The following FOCAD variants were observed in gnomAD, a reference collection of about 807,000 sequenced individuals.
The protein encoded by FOCAD is focadhesin.
FOCAD carries 198 observed loss-of-function variants against 225.6 expected under a neutral mutation model. The ratio of observed to expected loss-of-function variants is 0.88; its 90% CI spans 0.78 to 0.99. FOCAD has a LOEUF of 0.99. Ranked by LOEUF, FOCAD falls within the 50% of genes least tolerant of loss-of-function variation. The probability of loss-of-function intolerance (pLI) is 0.00; values close to 1 mark genes in which losing one functional copy is unlikely to be tolerated. For synonymous variants in FOCAD, 897 were observed against 755.0 expected (o/e 1.19, Z -3.08); for missense variants, 2,713 against 2,123.6 (o/e 1.28, Z -5.46).
At chr9:20,669,223 G>A (rs146225059) in intron 2 of FOCAD, among the ~76,000 whole-genome samples, 17 of 152,136 alleles carry the variant, frequency 1.1e-4, no homozygotes, top group African/African-American at 3.4e-4. Context: ...GGGGAGGATC[G>A]GCACTGGAGA....
chr9:20,895,762 G>T (rs913405048), intron 21 of FOCAD, among the ~76,000 whole-genome samples: 14 of 151,742 alleles, frequency 9.2e-5, no homozygotes, highest in Non-Finnish European at 1.3e-4. Context: ...TGGGTTCCAG[G>T]AGTTTTTTGT....
Position 20,874,686 on chromosome 9 carries a change from A to C in FOCAD, c.2196A>C (p.Arg732Ser). The change falls in exon 19 of 44, where the codon AGA becomes AGC. Residue 732 changes from arginine (R) to serine (S), a missense_variant. Coordinates refer to ENST00000338382, the MANE Select transcript of FOCAD (RefSeq NM_001375567.1). ...HTILHLPEKI[R>S]PEIPIPEELD... ...CTTTTCGCTTATCATTTCAGATAAG[A>C]CCAGAAATTCCCATTCCTGAAGAGT... 1 of 1,613,326 alleles carries C rather than the reference A, an allele frequency of 6.2e-7. No individual in the cohort carries two copies. The highest frequency in any genetic ancestry group is 1.1e-5 in the South Asian group (1 of 91,020).
At chr9:20,888,279 C>CA (rs1413337309) in intron 21 of FOCAD, among the ~76,000 whole-genome samples, 2 of 151,656 alleles carry the variant, frequency 1.3e-5, no homozygotes, top group East Asian at 3.9e-4. Context: ...GCTGGGATTG[C>CA]AGGTGTGCAC....
intron 1 of FOCAD, among the ~76,000 whole-genome samples, chr9:20,693,652 G>C (rs1391236018): frequency 6.6e-6 from 1 of 152,062 alleles, no homozygotes; most frequent in Non-Finnish European, 1.5e-5. Flanking sequence ...AAAAGCTCTG[G>C]ACCATTATCT....
chr9:20,806,346 A>G (rs1010645898), intron 11 of FOCAD, among the ~76,000 whole-genome samples: 4 of 152,128 alleles, frequency 2.6e-5, no homozygotes, highest in Admixed American at 2.0e-4. Flanking sequence ...CCTCTTAGAC[A>G]TTTTAAAATT....
At chr9:20,994,114 A>G (rs1477079834) in intron 43 of FOCAD, among the ~76,000 whole-genome samples, 1 of 152,202 alleles carries the variant, frequency 6.6e-6, no homozygotes, top group Non-Finnish European at 1.5e-5. Context: ...CTGTTCTTAC[A>G]CTGGCTTTAT....
At position 20,767,804 on chromosome 9, in the gene FOCAD, T is replaced by G. The variant is rs904257070; in HGVS notation, c.700-2228T>G. Among the ~76,000 whole-genome samples the G allele has an allele frequency of 5.9e-3, 884 of 150,014 alleles. 7 individuals are homozygous for G. Among genetic ancestry groups the G allele is most frequent in the African/African-American group, 0.02 (835 of 41,064 alleles). On this transcript the variant is annotated intron_variant, in intron 7 of 43. Transcript: ENST00000338382. ...TGTTCACTCTGATGGTAGTTTCTTT[T>G]GCTGTGCAGAAGCTCTTTAGTTTAA...
At chr9:20,738,526 A>G (rs1204942063) in intron 4 of FOCAD, among the ~76,000 whole-genome samples, 4 of 151,978 alleles carry the variant, frequency 2.6e-5, no homozygotes, top group African/African-American at 9.7e-5. Context: ...TGTGTTCACC[A>G]GAGGATCCAC....
chr9:20,753,371 G>A (rs1029306540), intron 5 of FOCAD, among the ~76,000 whole-genome samples: 1 of 151,286 alleles, frequency 6.6e-6, no homozygotes, highest in Admixed American at 6.6e-5. Context: ...TAGCATGAAG[G>A]GTTGTTGAAT....
chr9:20,916,639 C>T (rs1284578665), intron 23 of FOCAD, among the ~76,000 whole-genome samples: 7 of 152,194 alleles, frequency 4.6e-5, no homozygotes, highest in Admixed American at 3.3e-4. Flanking sequence ...TGTTACAGTG[C>T]TATCTGTACA....
intron 35 of FOCAD, chr9:20,957,673 C>CTTTTTT (rs775116988): frequency 2.6e-5 from 1 of 38,438 alleles, no homozygotes; most frequent in African/African-American, 1.1e-4. Context: ...ATCTCTCTCT[C>CTTTTTT]TTTTTTTTTT....
chr9:20,968,221 A>G (rs1491003188), intron 35 of FOCAD, among the ~76,000 whole-genome samples: 2 of 151,964 alleles, frequency 1.3e-5, no homozygotes, highest in African/African-American at 4.8e-5. Flanking sequence ...TTTAATCTAG[A>G]TTATCTAATC....
At chr9:20,948,126 C>T (rs199984582) in intron 30 of FOCAD, 145 bp from the exon 31 acceptor site, 4 of 807,846 alleles carry the variant, frequency 5.0e-6, no homozygotes, top group East Asian at 3.2e-5. Flanking sequence ...CAAAAAAACA[C>T]TTAAGTCTGA....
At chr9:20,856,783 G>C (rs1376802172) in intron 15 of FOCAD, among the ~76,000 whole-genome samples, 2 of 151,944 alleles carry the variant, frequency 1.3e-5, no homozygotes, top group Non-Finnish European at 2.9e-5. Context: ...TGAGAGATAG[G>C]GGTCAAGTTT....
intron 11 of FOCAD, among the ~76,000 whole-genome samples, chr9:20,809,573 T>C (rs866340136): frequency 6.6e-6 from 1 of 152,138 alleles, no homozygotes; most frequent in African/African-American, 2.4e-5. Context: ...ATCTATGCTG[T>C]TTATTTTGTA....
intron 35 of FOCAD, among the ~76,000 whole-genome samples, chr9:20,962,417 C>CACATACATACGT (rs1554743600): frequency 1.3e-5 from 2 of 149,086 alleles, no homozygotes; most frequent in Non-Finnish European, 3.0e-5. Flanking sequence ...TATACACACA[C>CACATACATACGT]ACATACATAC....
In FOCAD at chr9:20,778,089, C is replaced by CAAAA. The variant is rs1184354592; in HGVS notation, c.907-571_907-568dup. 8.7e-3 allele frequency among the ~76,000 whole-genome samples: 733 copies of CAAAA among 83,924 alleles called. 42 individuals carry two copies. The highest frequency in any genetic ancestry group is 0.025 in the African/African-American group (566 of 22,694). The allele number at this position is 83,924 out of a possible 152,430, so 55.1% of individuals were successfully genotyped here. On this transcript the variant is annotated intron_variant, in intron 8 of 43. Coordinates refer to ENST00000338382, the MANE Select transcript of FOCAD (RefSeq NM_001375567.1). ...TGGGCGACAGAACGAGACTCCGTCT[C>CAAAA]AAAAAAAAAAAAAAAAAAAAAAAAG...
intron 5 of FOCAD, among the ~76,000 whole-genome samples, chr9:20,750,778 G>C (rs1293092850): frequency 1.3e-5 from 2 of 152,066 alleles, no homozygotes; most frequent in Non-Finnish European, 2.9e-5. Flanking sequence ...AAAAATAGAA[G>C]TCCTTTTTTT....
chr9:20,880,853 T>C (rs1383612316), intron 19 of FOCAD, among the ~76,000 whole-genome samples: 2 of 152,224 alleles, frequency 1.3e-5, no homozygotes, highest in African/African-American at 2.4e-5. Context: ...ATATGATTTG[T>C]TTAGCTTTAA....
Sources: allele counts gnomAD v4.1 joint callset (sites outside exome capture counted in the v4.1 genomes callset), GRCh38; gene constraint gnomAD v4.1.1; transcripts MANE v1.5; gene names NCBI Gene and HGNC (gene_info 2026-07-23, HGNC 2026-07-21).